Variants in BRD1 observed in about 807,000 individuals in gnomAD.
BRD1 encodes bromodomain containing 1.
BRD1 carries 24 observed loss-of-function variants against 107.7 expected under a neutral mutation model. The observed-to-expected ratio is 0.22, with a 90% confidence interval of 0.16 to 0.31. The LOEUF (loss-of-function observed/expected upper bound fraction) is 0.31. Ranked by LOEUF, BRD1 falls within the 10% of genes least tolerant of loss-of-function variation. The pLI, the probability that BRD1 is intolerant of heterozygous loss-of-function variation, is 1.00. For synonymous variants in BRD1, 744 were observed against 686.1 expected, an observed-to-expected ratio of 1.08 and a Z score of -1.32; for missense variants, 1,279 against 1,638.6, an observed-to-expected ratio of 0.78 and a Z score of 3.79.
intron 8 of BRD1, among the ~76,000 whole-genome samples, chr22:49,784,434 A>G (rs138832): frequency 0.3 from 45,763 of 152,144 alleles, 8,421 homozygotes; most frequent in African/African-American, 0.51. Flanking sequence ...GCGTGCAGTC[A>G]CGGAGGAAGG....
intron 8 of BRD1, among the ~76,000 whole-genome samples, chr22:49,778,922 A>C (rs2059152487): frequency 6.6e-6 from 1 of 152,154 alleles, no homozygotes; most frequent in Non-Finnish European, 1.5e-5. Context: ...CGGCCTCCCA[A>C]AGTGCTGGGA....
At chr22:49,820,143 GA>G (rs201518351) in intron 2 of BRD1, among the ~76,000 whole-genome samples, 2,145 of 151,650 alleles carry the variant, frequency 0.014, 58 homozygotes, top group African/African-American at 0.046. Context: ...AAAAAGGGGG[GA>G]AAAAAAAGAA....
At chr22:49,816,823 G>A (rs1356838882) in intron 2 of BRD1, among the ~76,000 whole-genome samples, 2 of 152,240 alleles carry the variant, frequency 1.3e-5, no homozygotes, top group Non-Finnish European at 2.9e-5. Flanking sequence ...GGGGCCCAAG[G>A]TGCCTACCCT....
At chr22:49,782,626 G>A (rs2059234036) in intron 8 of BRD1, among the ~76,000 whole-genome samples, 1 of 144,864 alleles carries the variant, frequency 6.9e-6, no homozygotes, top group Admixed American at 7.0e-5. Context: ...GCCCAGGCCA[G>A]ACGCCTGCAC....
At chr22:49,818,193 TAGG>T in intron 2 of BRD1, 2 of 1,076,128 alleles carry the variant, frequency 1.9e-6, no homozygotes, top group Non-Finnish European at 2.3e-6. Context: ...CGAATGAAGG[TAGG>T]AGGAGCACCC....
chr22:49,827,845 C>G lies in BRD1; in HGVS notation c.-363G>C, dbSNP rs1324173670. ...GCTCGGACTCCAGGGCCGGGTCGCT[C>G]GCTCGCTCCCCAGCGAAGCAAACAA... On this transcript the variant is annotated 5_prime_UTR_variant, in exon 1 of 13. Transcript: ENST00000404760. Among the ~76,000 whole-genome samples the G allele has an allele frequency of 1.4e-5, 2 of 144,572 alleles. No individual in the cohort carries two copies. The highest frequency in any genetic ancestry group is 2.5e-5 in the African/African-American group (1 of 40,054). The allele number at this position is 144,572 out of a possible 152,430, so 94.8% of individuals were successfully genotyped here.
intron 7 of BRD1, among the ~76,000 whole-genome samples, chr22:49,788,832 A>C (rs536883178): frequency 2.0e-5 from 3 of 152,334 alleles, no homozygotes; most frequent in Admixed American, 2.0e-4. Flanking sequence ...GACATAAAAC[A>C]CTTTAAATAA....
At position 49,777,058 on chromosome 22, in the gene BRD1, C is replaced by T. The variant is rs1460663962; in HGVS notation, c.3097G>A (p.Ala1033Thr). The T allele has an allele frequency of 3.7e-6, 6 of 1,613,220 alleles. No homozygotes were observed. The highest frequency in any genetic ancestry group is 4.2e-6 in the Non-Finnish European group (5 of 1,180,002). Residue 1033 changes from alanine to threonine, a missense_variant, in exon 10 of 13, where the codon GCC becomes ACC. By Grantham distance (58) the Ala-to-Thr change is moderately conservative. This residue lies in a region of BRD1 where 263 missense variants were observed against 251.6 expected (regional missense o/e 1.05). Coordinates refer to ENST00000404760, the MANE Select transcript of BRD1 (RefSeq NM_001304808.3). ...LISCIENGNY[A>T]KAARIAAEVG... The stretch of plus-strand genomic sequence containing the variant: ...CCGGCTGCGATCCTGGCCGCCTTGG[C>T]GTAGTTCCCATTCTCGATGCAGGAG...
rs1004335847 is a variant in BRD1 at position 49,785,032 on chromosome 22, G to A, written c.2857+2358C>T. 2.6e-5 allele frequency among the ~76,000 whole-genome samples: 4 copies of A among 152,332 alleles called. No individual in the cohort carries two copies. The South Asian group carries it at 6.2e-4, about 24-fold the overall frequency. Reference sequence around the variant, plus strand: ...ATTCTCAAAAGCCACCATGGGCCACGCTCACTGAAGGTCTGCAGTAAGACT... The same window carrying A: ...ATTCTCAAAAGCCACCATGGGCCACACTCACTGAAGGTCTGCAGTAAGACT... On this transcript the variant is annotated intron_variant, in intron 8 of 12. Transcript: ENST00000404760.
At chr22:49,799,495 C>T (rs1366470996) in intron 3 of BRD1, among the ~76,000 whole-genome samples, 1 of 152,224 alleles carries the variant, frequency 6.6e-6, no homozygotes. Flanking sequence ...CTTGAGGACC[C>T]ACCTCCAGGA....
intron 8 of BRD1, among the ~76,000 whole-genome samples, chr22:49,778,828 A>T (rs914466555): frequency 2.6e-5 from 4 of 151,806 alleles, no homozygotes; most frequent in Non-Finnish European, 4.4e-5. Context: ...TGCCTGGCTA[A>T]TTTTTTGTAT....
At chr22:49,778,088 G>A (rs1356173044) in intron 8 of BRD1, among the ~76,000 whole-genome samples, 2 of 152,202 alleles carry the variant, frequency 1.3e-5, no homozygotes, top group East Asian at 3.8e-4. Context: ...GACAAGCCCG[G>A]GTCTTTAGAC....
chr22:49,822,254 C>T (rs1016696866), intron 2 of BRD1, among the ~76,000 whole-genome samples: 8 of 152,100 alleles, frequency 5.3e-5, no homozygotes, highest in Non-Finnish European at 1.0e-4. Flanking sequence ...GGTGAAACCC[C>T]GCCTCTACTA....
chr22:49,775,815 A>ACACC, intron 11 of BRD1, 70 bp from the exon 12 acceptor site: 5 of 1,141,502 alleles, frequency 4.4e-6, no homozygotes, highest in Non-Finnish European at 4.5e-6. Context: ...TGTCACTGGC[A>ACACC]CCCCCCCCCG....
intron 7 of BRD1, among the ~76,000 whole-genome samples, chr22:49,788,315 C>T (rs988766649): frequency 6.6e-6 from 1 of 152,094 alleles, no homozygotes; most frequent in Admixed American, 6.5e-5. Context: ...AGGAAGGCAA[C>T]ATTAAATCTG....
rs1215474634 is a variant in BRD1, at chr22:49,792,973, A to C, written c.2359+1061T>G. On this transcript the variant is annotated intron_variant, in intron 7 of 12. Coordinates refer to ENST00000404760, the MANE Select transcript of BRD1 (RefSeq NM_001304808.3). This position sits in a 1 kb window ranked among gnomAD's most constrained non-coding sequence, Gnocchi z 4.2. Reference sequence around the variant, plus strand: ...CACTCCGAGCACAGACGTCCATAAGAGATGAACGTCTTTGTTTTAAAAGAA... The same window carrying C: ...CACTCCGAGCACAGACGTCCATAAGCGATGAACGTCTTTGTTTTAAAAGAA... Among the ~76,000 whole-genome samples, 3 of 152,198 alleles carry C rather than the reference A, an allele frequency of 2.0e-5. No individual in the cohort carries two copies. Among genetic ancestry groups the C allele is most frequent in the Non-Finnish European group, 4.4e-5 (3 of 68,036 alleles).
intron 9 of BRD1, 122 bp from the exon 10 acceptor site, chr22:49,777,283 C>T: frequency 6.8e-7 from 1 of 1,467,272 alleles, no homozygotes; most frequent in Admixed American, 1.8e-5. Flanking sequence ...ACCCCCGCGG[C>T]CAGACGGGCC....
Position 49,780,348 on chromosome 22 carries a change from C to A in BRD1, c.2858-2535G>T, listed in dbSNP as rs557907023. Reference sequence around the variant, plus strand: ...AATTTTCCTAAGCATTCAGTGAGTGCGCGTATGACGCAAGAACACACAGAG... The same window carrying A: ...AATTTTCCTAAGCATTCAGTGAGTGAGCGTATGACGCAAGAACACACAGAG... On this transcript the variant is annotated intron_variant, in intron 8 of 12. Coordinates refer to ENST00000404760, the MANE Select transcript of BRD1 (RefSeq NM_001304808.3). Among the ~76,000 whole-genome samples, 4 of 152,332 alleles carry A rather than the reference C, an allele frequency of 2.6e-5. No homozygotes were observed. In the Middle Eastern group the frequency reaches 0.01, roughly 389 times the overall value.
intron 8 of BRD1, among the ~76,000 whole-genome samples, chr22:49,781,272 C>T (rs1269754477): frequency 6.6e-6 from 1 of 152,190 alleles, no homozygotes; most frequent in Admixed American, 6.5e-5. Flanking sequence ...GAAGCCTGCC[C>T]GTCACCAGGT....
Sources: gnomAD v4.1 joint callset for allele counts (sites outside exome capture counted in the v4.1 genomes callset) on GRCh38, gnomAD v4.1.1 for gene constraint, gnomAD v4.1.1 regional missense constraint, Gnocchi (gnomAD v3.1) non-coding constraint, MANE v1.5 for transcripts, NCBI Gene and HGNC (gene_info 2026-07-23, HGNC 2026-07-21) for gene names.